Variants in KYAT3 observed in about 807,000 individuals in gnomAD.
KYAT3 encodes the protein kynurenine aminotransferase 3, also known as kynurenine--oxoglutarate transaminase 3.
In KYAT3, 50 loss-of-function variants were observed where a neutral mutation model predicts 59.0. That is an observed-to-expected ratio of 0.85 (90% CI 0.68 to 1.07). The LOEUF is 1.07. KYAT3 is among the 50% of genes least tolerant of loss of function. The pLI is 0.00. For missense variants in KYAT3, 497 were observed against 533.3 expected (o/e 0.93, Z 0.67); for synonymous variants, 148 against 177.0 (o/e 0.84, Z 1.30).
At chr1:88,943,209 A>T (rs1267892921) in intron 12 of KYAT3, 118 bp from the exon 13 acceptor site, 16 of 1,067,810 alleles carry the variant, frequency 1.5e-5, no homozygotes, top group Non-Finnish European at 1.7e-5. Flanking sequence ...AATTTCCAAA[A>T]AGAAAAATGC....
At chr1:88,982,344 G>T in intron 2 of KYAT3, 1 of 728,934 alleles carries the variant, frequency 1.4e-6, no homozygotes, top group Non-Finnish European at 1.8e-6. Context: ...CTCATTTACT[G>T]GGAAAAACCA....
chr1:88,969,077 A>G (rs1676452342), intron 3 of KYAT3, among the ~76,000 whole-genome samples: 1 of 152,190 alleles, frequency 6.6e-6, no homozygotes, highest in Non-Finnish European at 1.5e-5. Flanking sequence ...TATTTTCTCA[A>G]CAATTCCAGC....
chr1:88,991,783 G>C (rs1307627511), intron 1 of KYAT3, among the ~76,000 whole-genome samples: 1 of 152,252 alleles, frequency 6.6e-6, no homozygotes, highest in Non-Finnish European at 1.5e-5. Context: ...GGCTCCCGAA[G>C]TCAGACTTGC....
At chr1:88,943,283 C>T in intron 12 of KYAT3, 67 bp downstream of exon 12, 1 of 1,067,352 alleles carries the variant, frequency 9.4e-7, no homozygotes, top group Non-Finnish European at 1.4e-6. Context: ...CAAAGCATAC[C>T]AGCAGATTTC....
chr1:88,938,480 A>G (rs1397427698), intron 13 of KYAT3, among the ~76,000 whole-genome samples: 1 of 152,318 alleles, frequency 6.6e-6, no homozygotes, highest in East Asian at 1.9e-4. Context: ...TTCATCACCC[A>G]GGTATTAAGA....
intron 13 of KYAT3, among the ~76,000 whole-genome samples, chr1:88,937,384 C>T (rs1315244856): frequency 2.0e-5 from 3 of 152,088 alleles, no homozygotes; most frequent in Admixed American, 6.6e-5. Context: ...GTGGCTTTGA[C>T]AGGAGATTGA....
chr1:88,958,239 T>C (rs975246555), intron 8 of KYAT3, among the ~76,000 whole-genome samples: 2 of 152,250 alleles, frequency 1.3e-5, no homozygotes, highest in African/African-American at 4.8e-5. Context: ...ATATTTACCC[T>C]GGTTAAAGGT....
the KYAT3 span, among the ~76,000 whole-genome samples, chr1:88,924,535 T>G: frequency 1.3e-5 from 2 of 152,250 alleles, no homozygotes; most frequent in Non-Finnish European, 2.9e-5. Context: ...TCCAGGCAAC[T>G]GCCTTTGGGT....
chr1:88,927,182 G>T, the KYAT3 span, among the ~76,000 whole-genome samples: 1 of 152,150 alleles, frequency 6.6e-6, no homozygotes, highest in Non-Finnish European at 1.5e-5. Flanking sequence ...TAGGGGTGCT[G>T]GCATCCCTAT....
intron 11 of KYAT3, among the ~76,000 whole-genome samples, chr1:88,944,025 T>C (rs973882874): frequency 9.9e-5 from 15 of 152,240 alleles, no homozygotes; most frequent in Non-Finnish European, 1.5e-5. Flanking sequence ...CTTGCTCCCA[T>C]ATATTATACC....
chr1:88,953,908 T>C (rs1304035547), intron 9 of KYAT3, among the ~76,000 whole-genome samples: 5 of 149,564 alleles, frequency 3.3e-5, no homozygotes, highest in East Asian at 1.9e-4. Context: ...TCTTCTTCTT[T>C]TTTTTTTTTT....
the KYAT3 span, among the ~76,000 whole-genome samples, chr1:88,928,745 T>C: frequency 6.6e-6 from 1 of 152,132 alleles, no homozygotes; most frequent in African/African-American, 2.4e-5. Context: ...GTTAACTGCC[T>C]CCTGGACACT....
At chr1:88,952,685 T>C (rs1190856433) in intron 10 of KYAT3, among the ~76,000 whole-genome samples, 1 of 152,202 alleles carries the variant, frequency 6.6e-6, no homozygotes, top group Non-Finnish European at 1.5e-5. Context: ...TATAAATTAC[T>C]AAGTCTCAGG....
chr1:88,962,482 G>A (rs1570802257), intron 5 of KYAT3, among the ~76,000 whole-genome samples: 1 of 152,144 alleles, frequency 6.6e-6, no homozygotes, highest in Non-Finnish European at 1.5e-5. Flanking sequence ...CAGGCAAAAC[G>A]ATTAAGCATT....
chr1:88,951,973 G>T (rs1236139209), intron 10 of KYAT3, among the ~76,000 whole-genome samples: 1 of 152,072 alleles, frequency 6.6e-6, no homozygotes, highest in African/African-American at 2.4e-5. Context: ...GAGGCAGGAG[G>T]GTTGAAGCCA....
chr1:88,954,993 T>C (rs1304756777), intron 9 of KYAT3, among the ~76,000 whole-genome samples, 156 bp downstream of exon 9: 1 of 152,228 alleles, frequency 6.6e-6, no homozygotes, highest in African/African-American at 2.4e-5. Context: ...CTTGAACTCC[T>C]GGCCTTAAGT....
downstream of KYAT3, among the ~76,000 whole-genome samples, chr1:88,934,989 A>ATT (rs59691903): frequency 0.018 from 2,019 of 109,976 alleles, 76 homozygotes; most frequent in Middle Eastern, 0.031. Flanking sequence ...TAAAGAAGTG[A>ATT]TTTTTTTTTT....
At chr1:88,928,416 T>G in the KYAT3 span, among the ~76,000 whole-genome samples, 2 of 151,930 alleles carry the variant, frequency 1.3e-5, no homozygotes, top group South Asian at 4.2e-4. Flanking sequence ...GTCATGGCCC[T>G]CAGGCAAGCG....
chr1:88,960,557 C>T (rs1008289544), intron 8 of KYAT3, among the ~76,000 whole-genome samples: 6 of 152,052 alleles, frequency 3.9e-5, no homozygotes, highest in Admixed American at 3.9e-4. Context: ...GGACAAAGGC[C>T]TGAAGGAGGT....
Sources: allele counts gnomAD v4.1 joint callset (sites outside exome capture counted in the v4.1 genomes callset), GRCh38; gene constraint gnomAD v4.1.1; transcripts MANE v1.5; gene names NCBI Gene and HGNC (gene_info 2026-07-23, HGNC 2026-07-21).